The following ELAVL2 variants were observed in gnomAD, a reference collection of about 807,000 sequenced individuals.
ELAVL2 encodes ELAV-like protein 2.
Under a neutral mutation model 34.6 loss-of-function variants are expected in ELAVL2, and 4 were observed. The ratio of observed to expected loss-of-function variants is 0.12; its 90% CI spans 0.06 to 0.26. ELAVL2 has a LOEUF of 0.26. ELAVL2 is among the 10% of genes least tolerant of loss of function. ELAVL2 has a pLI of 1.00. For synonymous variants in ELAVL2, 193 were observed against 154.8 expected, an observed-to-expected ratio of 1.25 and a Z score of -1.83; for missense variants, 432 against 442.8, an observed-to-expected ratio of 0.98 and a Z score of 0.22.
intron 1 of ELAVL2, among the ~76,000 whole-genome samples, chr9:23,772,281 C>G (rs1302504423): frequency 1.3e-5 from 2 of 152,112 alleles, no homozygotes; most frequent in African/African-American, 4.8e-5. Flanking sequence ...CATAGCTCCT[C>G]TGTTGGATAC....
chr9:23,829,542 T>C (rs184343796), upstream of ELAVL2: 1 of 152,360 alleles, frequency 6.6e-6, no homozygotes, highest in African/African-American at 2.4e-5. Context: ...ATAAAAATGT[T>C]ATGTGTTAGT....
rs201653765 is a variant in ELAVL2, at chr9:23,809,467, A to G, written c.-16+16339T>C. On this transcript the variant is annotated intron_variant, in intron 1 of 6. Coordinates refer to ENST00000397312, the MANE Select transcript of ELAVL2 (RefSeq NM_004432.5). Reference sequence around the variant, plus strand: ...TAAGAGACTCAAAAGTAATATAAAAATTGCATATCTAAGACATGAGAAAAC... The same window carrying G: ...TAAGAGACTCAAAAGTAATATAAAAGTTGCATATCTAAGACATGAGAAAAC... Among the ~76,000 whole-genome samples the G allele has an allele frequency of 1.2e-4, 19 of 152,272 alleles. No individual in the cohort carries two copies. In the East Asian group the frequency reaches 3.5e-3, roughly 28 times the overall value.
chr9:23,780,023 A>T (rs932777600), intron 1 of ELAVL2, among the ~76,000 whole-genome samples: 1 of 116,092 alleles, frequency 8.6e-6, no homozygotes, highest in Non-Finnish European at 1.7e-5. Context: ...AAAAAAAAAA[A>T]AAAAAAAAAA....
intron 3 of ELAVL2, among the ~76,000 whole-genome samples, chr9:23,720,330 T>A (rs956674196): frequency 2.6e-5 from 4 of 151,990 alleles, no homozygotes; most frequent in Admixed American, 6.6e-5. Context: ...CCCGCCACCA[T>A]GTTCGGCTAA....
intron 1 of ELAVL2, among the ~76,000 whole-genome samples, chr9:23,800,979 C>T (rs1427262984): frequency 6.6e-6 from 1 of 152,114 alleles, no homozygotes; most frequent in African/African-American, 2.4e-5. Flanking sequence ...ATCAAGAACA[C>T]ATTTTATACC....
chr9:23,802,275 C>A (rs561779925), intron 1 of ELAVL2, among the ~76,000 whole-genome samples: 1 of 152,068 alleles, frequency 6.6e-6, no homozygotes, highest in African/African-American at 2.4e-5. Context: ...GGGTCAAGAG[C>A]GCTATAAAAA....
intron 4 of ELAVL2, among the ~76,000 whole-genome samples, chr9:23,703,509 AG>A (rs1438369213): frequency 6.6e-6 from 1 of 152,182 alleles, no homozygotes; most frequent in African/African-American, 2.4e-5. Context: ...CTATTCTCCC[AG>A]GCATGCATGT....
In ELAVL2 at chr9:23,743,240, C is replaced by A. The variant is rs774888262; in HGVS notation, c.230-12115G>T. Among the ~76,000 whole-genome samples the A allele has an allele frequency of 3.3e-4, 50 of 152,300 alleles. No homozygotes were observed. The Middle Eastern group carries it at 0.014, about 41-fold the overall frequency. On this transcript the variant is annotated intron_variant, in intron 2 of 6. Coordinates refer to ENST00000397312, the MANE Select transcript of ELAVL2 (RefSeq NM_004432.5). ...AAACCACTCTGAGACCACAGGGCAACTTGCCCACCAATTAACAGATGGCTC... is the reference window on the plus strand; with the variant it reads ...AAACCACTCTGAGACCACAGGGCAAATTGCCCACCAATTAACAGATGGCTC...
intron 3 of ELAVL2, among the ~76,000 whole-genome samples, chr9:23,730,690 C>G (rs1275443002): frequency 2.0e-5 from 3 of 152,050 alleles, no homozygotes; most frequent in African/African-American, 7.2e-5. Flanking sequence ...ATTCACTACC[C>G]AGACCTTTAT....
chr9:23,827,081 A>G (rs1031297016), upstream of ELAVL2, among the ~76,000 whole-genome samples: 2 of 152,172 alleles, frequency 1.3e-5, no homozygotes, highest in Non-Finnish European at 2.9e-5. Context: ...GAGTAGAGCT[A>G]AGGTCCTTCA....
intron 2 of ELAVL2, among the ~76,000 whole-genome samples, chr9:23,744,760 A>G (rs989716296): frequency 4.6e-5 from 7 of 152,118 alleles, no homozygotes; most frequent in African/African-American, 1.7e-4. Flanking sequence ...AAAAAAATAA[A>G]AATAAAAATA....
chr9:23,792,281 T>C (rs539327922), intron 1 of ELAVL2, among the ~76,000 whole-genome samples: 5 of 152,240 alleles, frequency 3.3e-5, no homozygotes, highest in African/African-American at 9.6e-5. Context: ...TTTCTACTTA[T>C]GACATCTTCA....
intron 3 of ELAVL2, among the ~76,000 whole-genome samples, chr9:23,709,475 A>T (rs1027634932): frequency 6.6e-6 from 1 of 151,856 alleles, no homozygotes; most frequent in African/African-American, 2.4e-5. Context: ...CTGTGGATTT[A>T]GATCTTACAG....
At chr9:23,728,400 A>T (rs1391081145) in intron 3 of ELAVL2, among the ~76,000 whole-genome samples, 1 of 152,146 alleles carries the variant, frequency 6.6e-6, no homozygotes, top group Non-Finnish European at 1.5e-5. Context: ...AAGCATATGC[A>T]TGGACGCTGG....
Position 23,702,951 on chromosome 9 carries a change from C to CCAAAAAA in ELAVL2, c.488-1348_488-1347insTTTTTTG, listed in dbSNP as rs2037824067. 8.4e-5 allele frequency among the ~76,000 whole-genome samples: 4 copies of CCAAAAAA among 47,626 alleles called. No homozygotes were observed. The East Asian group carries it at 2.6e-3, about 31-fold the overall frequency. 31.2% of individuals were successfully genotyped at this position (47,626 alleles called of 152,430 possible). On this transcript the variant is annotated intron_variant, in intron 4 of 6. Coordinates refer to ENST00000397312, the MANE Select transcript of ELAVL2 (RefSeq NM_004432.5). Reference sequence around the variant, plus strand: ...TTCCATTAGAAAAGCATCAGATTAGCAAAAAAAAAAAAAAAAAAAAAAAAA... The same window carrying CCAAAAAA: ...TTCCATTAGAAAAGCATCAGATTAGCCAAAAAAAAAAAAAAAAAAAAAAAAAAAAAAA...
At chr9:23,795,644 G>T (rs904528849) in intron 1 of ELAVL2, among the ~76,000 whole-genome samples, 2 of 152,196 alleles carry the variant, frequency 1.3e-5, no homozygotes, top group Non-Finnish European at 2.9e-5. Context: ...TCAAAAAATA[G>T]GACTGTCATA....
intron 2 of ELAVL2, among the ~76,000 whole-genome samples, chr9:23,757,950 TTAGA>T (rs2053972945): frequency 1.3e-5 from 2 of 152,108 alleles, no homozygotes; most frequent in South Asian, 2.1e-4. Flanking sequence ...TTTTTGTTCC[TTAGA>T]TATAGTTTCC....
intron 1 of ELAVL2, chr9:23,821,866 G>C (rs1038462223): frequency 1.3e-5 from 2 of 151,352 alleles, no homozygotes; most frequent in African/African-American, 4.8e-5. Context: ...CGGGAAGGAG[G>C]GGCTTGCTTG....
intron 3 of ELAVL2, among the ~76,000 whole-genome samples, chr9:23,714,029 T>A (rs1353940530): frequency 2.0e-5 from 3 of 152,186 alleles, no homozygotes; most frequent in Non-Finnish European, 4.4e-5. Context: ...ATAAAACTAT[T>A]AGCAAAGAGC....
Sources: gnomAD v4.1 joint callset for allele counts (sites outside exome capture counted in the v4.1 genomes callset) on GRCh38, gnomAD v4.1.1 for gene constraint, MANE v1.5 for transcripts, NCBI Gene and HGNC (gene_info 2026-07-23, HGNC 2026-07-21) for gene names.